The following TLCD3A variants were observed in gnomAD, a reference collection of about 807,000 sequenced individuals.
The protein encoded by TLCD3A is TLC domain containing 3A, also known as TLC domain-containing protein 3A.
Under a neutral mutation model 29.9 loss-of-function variants are expected in TLCD3A, and 17 were observed. The ratio of observed to expected loss-of-function variants is 0.57; its 90% CI spans 0.39 to 0.85. The LOEUF (loss-of-function observed/expected upper bound fraction) is 0.85. Ranked by LOEUF, TLCD3A falls within the 40% of genes least tolerant of loss-of-function variation. TLCD3A has a pLI of 0.00. For missense variants in TLCD3A, 332 were observed against 350.8 expected (o/e 0.95, Z 0.43); for synonymous variants, 143 against 147.7 (o/e 0.97, Z 0.23).
chr17:734,029 C>T (rs979293395), intron 2 of TLCD3A, among the ~76,000 whole-genome samples: 6 of 152,182 alleles, frequency 3.9e-5, no homozygotes, highest in Non-Finnish European at 5.9e-5. Context: ...TGGGATCAAT[C>T]CTGCTGTCAT....
chr17:737,721 G>A (rs1251372461), intron 2 of TLCD3A, 125 bp from the exon 3 acceptor site: 1 of 972,678 alleles, frequency 1.0e-6, no homozygotes, highest in African/African-American at 1.6e-5. Flanking sequence ...CTGTTTATCA[G>A]TTTCAACATC....
chr17:738,041 C>T lies in TLCD3A; in HGVS notation c.402C>T (p.Val134=), dbSNP rs572340100. 1.8e-5 allele frequency: 28 copies of T among 1,543,472 alleles called. No individual in the cohort carries two copies. The highest frequency in any genetic ancestry group is 5.3e-5 in the East Asian group (2 of 38,088). The stretch of plus-strand genomic sequence containing the variant: ...TCATTCTCTTTGTCCTTGTGCCAGT[C>T]GCACAGGTATGGCCTTCCAGGACAG... ...HAVILFVLVP[V]AQRLRGDLGD... is the part of the protein sequence containing the mutation. The change falls in exon 3 of 5, where the codon GTC becomes GTT. Residue 134 remains valine (V), a synonymous_variant. Coordinates refer to ENST00000308278, the MANE Select transcript of TLCD3A (RefSeq NM_024792.3).
intron 3 of TLCD3A, among the ~76,000 whole-genome samples, chr17:739,590 A>G (rs533546763): frequency 1.7e-3 from 264 of 152,328 alleles, no homozygotes; most frequent in African/African-American, 5.8e-3. Context: ...CTCCCGTCTC[A>G]GCCTCCCAAA....
In TLCD3A at chr17:732,668, G is replaced by A. The variant is rs1974085504; in HGVS notation, c.21G>A (p.Gly7=). MLLTLA[G]GALFFPGLFA... Reference sequence around the variant, plus strand: ...CCCCGATGCTGCTGACGCTGGCCGGGGGCGCGCTCTTCTTCCCGGGGCTCT... The same window carrying A: ...CCCCGATGCTGCTGACGCTGGCCGGAGGCGCGCTCTTCTTCCCGGGGCTCT... Residue 7 remains glycine (G), a synonymous_variant, in exon 1 of 5, where the codon GGG becomes GGA. Coordinates refer to ENST00000308278, the MANE Select transcript of TLCD3A (RefSeq NM_024792.3). 1.4e-6 allele frequency: 2 copies of A among 1,397,092 alleles called. No individual in the cohort carries two copies. The highest frequency in any genetic ancestry group is 1.9e-6 in the Non-Finnish European group (2 of 1,072,078). The allele number at this position is 1,397,092 out of a possible 1,614,324, so 86.5% of individuals were successfully genotyped here.
At chr17:732,803 G>A (rs1974089991) in intron 1 of TLCD3A, 34 bp downstream of exon 1, 1 of 1,428,922 alleles carries the variant, frequency 7.0e-7, no homozygotes, top group South Asian at 1.4e-5. Context: ...CCCGAGGCCC[G>A]GGGCGCTGCC....
chr17:732,778 G>A lies in TLCD3A; in HGVS notation c.122+9G>A. 6.9e-7 allele frequency: 1 copy of A among 1,444,830 alleles called. No homozygotes were observed. The highest frequency in any genetic ancestry group is 9.1e-7 in the Non-Finnish European group (1 of 1,100,378). The allele number at this position is 1,444,830 out of a possible 1,614,324, so 89.5% of individuals were successfully genotyped here. A position where few individuals can be genotyped will look rare whatever the true frequency, so the allele number is the denominator to read the frequency against. ...GTGATGATCAGCACCAGGTACCGGC[G>A]CCGCCGAGACGCCCCCCGAGGCCCG... On this transcript the variant is annotated intron_variant, in intron 1 of 4. Coordinates refer to ENST00000308278, the MANE Select transcript of TLCD3A (RefSeq NM_024792.3).
intron 2 of TLCD3A, among the ~76,000 whole-genome samples, chr17:734,568 C>G (rs556880184): frequency 2.0e-5 from 3 of 152,296 alleles, no homozygotes; most frequent in African/African-American, 7.2e-5. Context: ...CCTGCCTGGG[C>G]CTCCCAAAGT....
At chr17:734,189 T>C (rs1246850195) in intron 2 of TLCD3A, among the ~76,000 whole-genome samples, 1 of 86,328 alleles carries the variant, frequency 1.2e-5, no homozygotes, top group East Asian at 4.2e-4. Flanking sequence ...CTTCTTCTTC[T>C]TCTTTTTTTT....
intron 3 of TLCD3A, among the ~76,000 whole-genome samples, chr17:739,571 C>T (rs1974216682): frequency 6.6e-6 from 1 of 152,198 alleles, no homozygotes. Context: ...CTCCTGGGCT[C>T]AAGGGATCCT....
Position 733,113 on chromosome 17 carries a change from G to T in TLCD3A, c.138G>T (p.Val46=). The T allele has an allele frequency of 6.3e-7, 1 of 1,591,760 alleles. No homozygotes were observed. Among genetic ancestry groups the T allele is most frequent in the Non-Finnish European group, 8.5e-7 (1 of 1,170,012 alleles). The change falls in exon 2 of 5, where the codon GTG becomes GTT. Residue 46 remains valine, a synonymous_variant. Transcript: ENST00000308278. ...CCCGCGCTAGGCTGGTTTCCTCGGT[G>T]CACGCCGTGCTGGCCACCGGCTCGG... ...VMISTRLVSS[V]HAVLATGSGI...
At chr17:733,597 C>T (rs962531307) in intron 2 of TLCD3A, among the ~76,000 whole-genome samples, 2 of 152,202 alleles carry the variant, frequency 1.3e-5, no homozygotes, top group African/African-American at 2.4e-5. Flanking sequence ...ACGCAAACGC[C>T]GCTCTTGCTT....
chr17:737,705 C>A, intron 2 of TLCD3A, 141 bp from the exon 3 acceptor site: 1 of 842,788 alleles, frequency 1.2e-6, no homozygotes, highest in Non-Finnish European at 1.9e-6. Flanking sequence ...AAGTGGTCTA[C>A]TCTCCCTGTT....
At chr17:734,593 C>T (rs1364665184) in intron 2 of TLCD3A, among the ~76,000 whole-genome samples, 3 of 151,802 alleles carry the variant, frequency 2.0e-5, no homozygotes, top group Non-Finnish European at 4.4e-5. Context: ...GGATTATAGG[C>T]GTGAGCCACT....
chr17:737,030 T>A (rs1372242561), intron 2 of TLCD3A, among the ~76,000 whole-genome samples: 1 of 145,696 alleles, frequency 6.9e-6, no homozygotes, highest in Non-Finnish European at 1.5e-5. Flanking sequence ...TTGTTTTTTT[T>A]AGATGGAATC....
intron 4 of TLCD3A, 73 bp from the exon 5 acceptor site, chr17:741,228 G>C (rs1162562408): frequency 6.6e-7 from 1 of 1,508,176 alleles, no homozygotes; most frequent in Non-Finnish European, 9.1e-7. Flanking sequence ...TACTGTGGTG[G>C]GACTTGGGCC....
rs145967429 is a variant in TLCD3A at position 739,377 on chromosome 17, C to T, written c.409-1128C>T. On this transcript the variant is annotated intron_variant, in intron 3 of 4. Transcript: ENST00000308278. ...CTAATTTTTATATTTTTATTAGAGA[C>T]GGGGTTTCACCATATTGGTCAGGCT... 5.4e-3 allele frequency among the ~76,000 whole-genome samples: 820 copies of T among 152,150 alleles called. 4 individuals are homozygous for T. Among genetic ancestry groups the T allele is most frequent in the African/African-American group, 0.019 (768 of 41,502 alleles).
In TLCD3A at chr17:742,070, G is replaced by A. The variant is rs78384276; in HGVS notation, c.*500G>A. On this transcript the variant is annotated 3_prime_UTR_variant, in exon 5 of 5. Transcript: ENST00000308278. Reference sequence around the variant, plus strand: ...CATTGTGGGTAGGTAGTTATTGATCGTTTACTAGATAACCCATTGGTTCTT... The same window carrying A: ...CATTGTGGGTAGGTAGTTATTGATCATTTACTAGATAACCCATTGGTTCTT... 9.5e-3 allele frequency: 1,599 copies of A among 167,684 alleles called. 20 individuals are homozygous for A. Among genetic ancestry groups the A allele is most frequent in the East Asian group, 0.059 (330 of 5,600 alleles). 10.4% of individuals were successfully genotyped at this position (167,684 alleles called of 1,614,324 possible).
At position 732,731 on chromosome 17, in the gene TLCD3A, C is replaced by A; in HGVS notation, c.84C>A (p.Pro28=). The A allele has an allele frequency of 1.4e-6, 2 of 1,444,862 alleles. No individual in the cohort carries two copies. The highest frequency in any genetic ancestry group is 9.1e-7 in the Non-Finnish European group (1 of 1,100,350). 89.5% of individuals were successfully genotyped at this position (1,444,862 alleles called of 1,614,324 possible). A position where few individuals can be genotyped will look rare whatever the true frequency, so the allele number is the denominator to read the frequency against. Residue 28 remains proline, a synonymous_variant, in exon 1 of 5, where the codon CCC becomes CCA. Coordinates refer to ENST00000308278, the MANE Select transcript of TLCD3A (RefSeq NM_024792.3). ...CCTGGGCGCTGCGCCGCTCCCAGCCCGGATGGAGCCGCACCGACTGCGTGA... is the reference window on the plus strand; with the variant it reads ...CCTGGGCGCTGCGCCGCTCCCAGCCAGGATGGAGCCGCACCGACTGCGTGA... ...LCTWALRRSQ[P]GWSRTDCVMI...
intron 3 of TLCD3A, 98 bp downstream of exon 3, chr17:738,145 G>A: frequency 1.1e-6 from 1 of 896,254 alleles, no homozygotes; most frequent in Non-Finnish European, 1.6e-6. Context: ...GCCCCAGCTG[G>A]AGTGCAGTGG....
Sources: allele counts gnomAD v4.1 joint callset (sites outside exome capture counted in the v4.1 genomes callset), GRCh38; gene constraint gnomAD v4.1.1; transcripts MANE v1.5; gene names NCBI Gene and HGNC (gene_info 2026-07-23, HGNC 2026-07-21).